Variants in NAALADL2 observed in about 807,000 individuals in gnomAD.
The protein encoded by NAALADL2 is N-acetylated alpha-linked acidic dipeptidase like 2, also known as inactive N-acetylated-alpha-linked acidic dipeptidase-like protein 2.
NAALADL2 carries 76 observed loss-of-function variants against 87.2 expected under a neutral mutation model. The observed-to-expected ratio is 0.87, with a 90% CI of 0.72 to 1.05. The LOEUF is 1.05. NAALADL2 is among the 50% of genes least tolerant of loss of function. NAALADL2 has a pLI of 0.00. For missense variants in NAALADL2, 1,089 were observed against 945.8 expected (o/e 1.15, Z -1.99); for synonymous variants, 354 against 331.0 (o/e 1.07, Z -0.75).
intron 5 of NAALADL2, among the ~76,000 whole-genome samples, chr3:175,389,482 C>G (rs1481237232): frequency 5.3e-5 from 8 of 152,176 alleles, no homozygotes; most frequent in South Asian, 2.1e-4. Flanking sequence ...TTAAATAATT[C>G]AAGTGGAGAT....
At chr3:174,582,281 A>G (rs1716250294) in intron 2 of NAALADL2, among the ~76,000 whole-genome samples, 1 of 152,200 alleles carries the variant, frequency 6.6e-6, no homozygotes. Flanking sequence ...GAGACAACTA[A>G]TGTTGAAATC....
At chr3:174,486,050 T>C (rs557871310) in intron 1 of NAALADL2, among the ~76,000 whole-genome samples, 1 of 152,102 alleles carries the variant, frequency 6.6e-6, no homozygotes, top group Admixed American at 6.6e-5. Flanking sequence ...CATTACTGGG[T>C]ATGTACCCAA....
intron 3 of NAALADL2, among the ~76,000 whole-genome samples, chr3:174,793,480 T>C (rs1232139760): frequency 6.6e-6 from 1 of 152,144 alleles, no homozygotes; most frequent in African/African-American, 2.4e-5. Context: ...AATAGGAGTT[T>C]GGGAAACTTT....
At chr3:175,579,455 A>G (rs557199631) in intron 10 of NAALADL2, among the ~76,000 whole-genome samples, 17 of 152,312 alleles carry the variant, frequency 1.1e-4, no homozygotes, top group African/African-American at 3.4e-4. Context: ...ATGCAAACAC[A>G]TTGCATAAAA....
intron 1 of NAALADL2, among the ~76,000 whole-genome samples, chr3:174,522,155 G>A (rs1031541070): frequency 1.3e-5 from 2 of 152,128 alleles, no homozygotes; most frequent in African/African-American, 4.8e-5. Context: ...GTCTCATAGA[G>A]TATAGTGGGA....
At chr3:174,553,125 A>G (rs1712347864) in intron 2 of NAALADL2, among the ~76,000 whole-genome samples, 1 of 152,192 alleles carries the variant, frequency 6.6e-6, no homozygotes, top group South Asian at 2.1e-4. Context: ...CTTATAGGAA[A>G]AGTTTTATGT....
At chr3:174,936,914 G>A (rs904066246) in intron 1 of NAALADL2, among the ~76,000 whole-genome samples, 2 of 152,108 alleles carry the variant, frequency 1.3e-5, no homozygotes, top group Non-Finnish European at 2.9e-5. Flanking sequence ...TGATTATGGG[G>A]ACGATTTCGT....
chr3:175,721,135 G>T (rs1188548432), intron 11 of NAALADL2, among the ~76,000 whole-genome samples: 1 of 152,060 alleles, frequency 6.6e-6, no homozygotes, highest in Non-Finnish European at 1.5e-5. Flanking sequence ...GTTCATAGTC[G>T]TGAGGTGGGT....
rs375430900 is a variant in NAALADL2, at chr3:175,527,251, G to A, written c.1654-48790G>A. Among the ~76,000 whole-genome samples, 4 of 152,144 alleles carry A rather than the reference G, an allele frequency of 2.6e-5. No homozygotes were observed. The East Asian group carries it at 5.8e-4, about 22-fold the overall frequency. ...AAGGCTACATTAGCCAGTTTTCAGT[G>A]TGGCATATTTACCTGCCGTCATAGC... On this transcript the variant is annotated intron_variant, in intron 9 of 13. Coordinates refer to ENST00000454872, the MANE Select transcript of NAALADL2 (RefSeq NM_207015.3).
chr3:175,162,247 C>T (rs1470723479), intron 2 of NAALADL2, among the ~76,000 whole-genome samples: 1 of 152,110 alleles, frequency 6.6e-6, no homozygotes, highest in Non-Finnish European at 1.5e-5. Flanking sequence ...CCTTGACTTT[C>T]CCTTTTCCCA....
At position 175,804,605 on chromosome 3, in the gene NAALADL2, A is replaced by G. The variant is rs961800314; in HGVS notation, c.*1402A>G. 25 of 151,834 alleles carry G rather than the reference A, an allele frequency of 1.6e-4. 1 individual carries two copies. Among genetic ancestry groups the G allele is most frequent in the African/African-American group, 5.8e-4 (24 of 41,410 alleles). The allele number at this position is 151,834 out of a possible 1,614,324, so 9.4% of individuals were successfully genotyped here. On this transcript the variant is annotated 3_prime_UTR_variant, in exon 14 of 14. Coordinates refer to ENST00000454872, the MANE Select transcript of NAALADL2 (RefSeq NM_207015.3). ...AGAGTATTTCATATAAATTTTCTCT[A>G]TCTAATTCAAACATATCTCCCCATG...
chr3:175,117,697 A>T (rs904887304), intron 2 of NAALADL2, among the ~76,000 whole-genome samples: 1 of 151,762 alleles, frequency 6.6e-6, no homozygotes, highest in African/African-American at 2.4e-5. Flanking sequence ...CCATTGTGGA[A>T]GACAGTGCGG....
intron 2 of NAALADL2, among the ~76,000 whole-genome samples, chr3:174,690,997 T>C (rs1215815201): frequency 3.9e-5 from 6 of 152,220 alleles, no homozygotes; most frequent in Non-Finnish European, 8.8e-5. Context: ...GTTACTTTCC[T>C]TTCCATGAAT....
At chr3:175,740,150 T>C (rs1304605699) in intron 12 of NAALADL2, among the ~76,000 whole-genome samples, 5 of 152,150 alleles carry the variant, frequency 3.3e-5, no homozygotes, top group Non-Finnish European at 7.4e-5. Flanking sequence ...GCGAATCTTA[T>C]AACCAGAGGC....
In NAALADL2 at chr3:175,781,726, T is replaced by TAAAAAAA. The variant is rs1278860957; in HGVS notation, c.2190-21278_2190-21277insAAAAAAA. On this transcript the variant is annotated intron_variant, in intron 13 of 13. Transcript: ENST00000454872. The stretch of plus-strand genomic sequence containing the variant: ...GCTTTTATTTTTTTTATTTTTTTAT[T>TAAAAAAA]ATACTTTAAGTTTTAGGGTACATGT... Among the ~76,000 whole-genome samples, 53 of 152,144 alleles carry TAAAAAAA rather than the reference T, an allele frequency of 3.5e-4. No individual in the cohort carries two copies. The Middle Eastern group carries it at 0.01, about 30-fold the overall frequency.
At chr3:174,839,593 C>T (rs2109413540) in intron 3 of NAALADL2, among the ~76,000 whole-genome samples, 1 of 152,218 alleles carries the variant, frequency 6.6e-6, no homozygotes, top group South Asian at 2.1e-4. Flanking sequence ...ACAATCTATA[C>T]ATCTGACAAA....
intron 4 of NAALADL2, among the ~76,000 whole-genome samples, chr3:175,313,356 T>C (rs35401197): frequency 6.6e-6 from 1 of 152,194 alleles, no homozygotes; most frequent in Non-Finnish European, 1.5e-5. Context: ...CTTATTTTTG[T>C]TACTCTTCTT....
intron 2 of NAALADL2, among the ~76,000 whole-genome samples, chr3:175,105,552 T>TTA (rs1050921696): frequency 5.3e-5 from 6 of 112,532 alleles, no homozygotes; most frequent in African/African-American, 8.4e-5. Context: ...ATATATAGAT[T>TTA]TATATATATT....
At chr3:174,844,589 T>C (rs1339810373) in intron 3 of NAALADL2, among the ~76,000 whole-genome samples, 1 of 152,146 alleles carries the variant, frequency 6.6e-6, no homozygotes, top group African/African-American at 2.4e-5. Flanking sequence ...TTGGTTGCAA[T>C]TGGCATTATA....
Sources: allele counts gnomAD v4.1 joint callset (sites outside exome capture counted in the v4.1 genomes callset), GRCh38; gene constraint gnomAD v4.1.1; transcripts MANE v1.5; gene names NCBI Gene and HGNC (gene_info 2026-07-23, HGNC 2026-07-21).